The following ADGRD1 variants were observed in gnomAD, a reference collection of about 807,000 sequenced individuals.
ADGRD1 encodes adhesion G protein-coupled receptor D1.
A neutral mutation model predicts 113.4 loss-of-function variants in ADGRD1; 77 were observed. That is an observed-to-expected ratio of 0.68 (90% CI 0.57 to 0.82). ADGRD1 has a LOEUF of 0.82. Among genes scored for constraint, ADGRD1 ranks in the 40% least tolerant of loss-of-function variants. The pLI, the probability that ADGRD1 is intolerant of heterozygous loss-of-function variation, is 0.00. For synonymous variants in ADGRD1, 474 were observed against 475.0 expected (o/e 1.00, Z 0.03); for missense variants, 1,036 against 1,139.1 (o/e 0.91, Z 1.30).
rs1331498809 is a variant in ADGRD1 at position 131,113,216 on chromosome 12, T to C, written c.2041+4339T>C. On this transcript the variant is annotated intron_variant, in intron 18 of 24. Coordinates refer to ENST00000261654, the MANE Select transcript of ADGRD1 (RefSeq NM_198827.5). The surrounding 1 kb of genome is among the most constrained non-coding windows in gnomAD (Gnocchi z 4.9). ...TGAGCCAGTTTTTCTCAATTTGCTGTAAACCCTTAGGAAAATGTACAGAGA... is the reference window on the plus strand; with the variant it reads ...TGAGCCAGTTTTTCTCAATTTGCTGCAAACCCTTAGGAAAATGTACAGAGA... 6.6e-6 allele frequency among the ~76,000 whole-genome samples: 1 copy of C among 152,222 alleles called. No individual in the cohort carries two copies. Among genetic ancestry groups the C allele is most frequent in the African/African-American group, 2.4e-5 (1 of 41,472 alleles).
At chr12:131,085,841 C>T (rs999853992) in intron 15 of ADGRD1, among the ~76,000 whole-genome samples, 2 of 152,194 alleles carry the variant, frequency 1.3e-5, no homozygotes, top group African/African-American at 2.4e-5. Context: ...AGCAGTGACG[C>T]CTCCAGCGTC....
chr12:131,038,429 C>G (rs899257412), intron 13 of ADGRD1, among the ~76,000 whole-genome samples: 11 of 152,366 alleles, frequency 7.2e-5, no homozygotes, highest in Middle Eastern at 3.4e-3. Context: ...TATCGCAGAG[C>G]CGACACTCCT....
chr12:131,120,532 A>C (rs1246581600), intron 19 of ADGRD1, among the ~76,000 whole-genome samples: 1 of 152,176 alleles, frequency 6.6e-6, no homozygotes, highest in Non-Finnish European at 1.5e-5. Flanking sequence ...ATTGGGTCAT[A>C]CTTGAAGTGC....
intron 13 of ADGRD1, among the ~76,000 whole-genome samples, chr12:131,036,664 G>T (rs1296335463): frequency 5.6e-5 from 8 of 142,560 alleles, no homozygotes; most frequent in Non-Finnish European, 4.5e-5. Flanking sequence ...CACTGCACGG[G>T]GCCTCACTCA....
chr12:131,015,636 A>G (rs1163063142), intron 13 of ADGRD1, among the ~76,000 whole-genome samples: 2 of 151,378 alleles, frequency 1.3e-5, no homozygotes, highest in Non-Finnish European at 2.9e-5. Context: ...GGAGATGGAG[A>G]TGGGAATGGA....
intron 8 of ADGRD1, among the ~76,000 whole-genome samples, chr12:130,996,192 C>A (rs1406895904): frequency 7.0e-6 from 1 of 142,512 alleles, no homozygotes; most frequent in South Asian, 2.2e-4. Context: ...TACACAGACA[C>A]GGCAACCATC....
intron 18 of ADGRD1, among the ~76,000 whole-genome samples, chr12:131,116,905 C>T (rs1038628028): frequency 6.6e-6 from 1 of 152,244 alleles, no homozygotes; most frequent in Non-Finnish European, 1.5e-5. Context: ...GTGTTCTTTT[C>T]AGAAACAGAT....
Position 131,075,356 on chromosome 12 carries a change from C to T in ADGRD1, c.1474-1445C>T, listed in dbSNP as rs1324956573. ...TGCTGCAGTTTTCCTGCTGATGCCC[C>T]TCTGTGGTCCTGGTGGCTGCAGGAC... is the stretch of plus-strand genomic sequence containing the variant. On this transcript the variant is annotated intron_variant, in intron 13 of 24. Transcript: ENST00000261654. This position sits in a 1 kb window ranked among gnomAD's most constrained non-coding sequence, Gnocchi z 5.3. Among the ~76,000 whole-genome samples, 2 of 151,974 alleles carry T rather than the reference C, an allele frequency of 1.3e-5. No individual in the cohort carries two copies. Among genetic ancestry groups the T allele is most frequent in the African/African-American group, 2.4e-5 (1 of 41,362 alleles).
rs1187612000 is a variant in ADGRD1 at position 131,121,776 on chromosome 12, C to A, written c.2175+863C>A. 2.6e-5 allele frequency among the ~76,000 whole-genome samples: 4 copies of A among 152,294 alleles called. No homozygotes were observed. The South Asian group carries it at 8.3e-4, about 32-fold the overall frequency. ...CCCAGGGCTCCTGCACCTGCACTGGCATGAGGCTCGTCCCTCATCTTCTCT... is the reference window on the plus strand; with the variant it reads ...CCCAGGGCTCCTGCACCTGCACTGGAATGAGGCTCGTCCCTCATCTTCTCT... On this transcript the variant is annotated intron_variant, in intron 20 of 24. Transcript: ENST00000261654.
At chr12:131,066,318 G>A (rs894450784) in intron 13 of ADGRD1, among the ~76,000 whole-genome samples, 1 of 152,176 alleles carries the variant, frequency 6.6e-6, no homozygotes, top group Non-Finnish European at 1.5e-5. Flanking sequence ...AGGGTTTCCC[G>A]CCGACGCATC....
intron 14 of ADGRD1, among the ~76,000 whole-genome samples, chr12:131,081,634 A>G (rs1886077316): frequency 6.6e-6 from 1 of 152,178 alleles, no homozygotes; most frequent in African/African-American, 2.4e-5. Flanking sequence ...TACAGACACC[A>G]TAAACGCAAT....
At chr12:131,132,392 C>T (rs942180635) in intron 21 of ADGRD1, among the ~76,000 whole-genome samples, 1 of 152,196 alleles carries the variant, frequency 6.6e-6, no homozygotes, top group African/African-American at 2.4e-5. Context: ...GCATCTCTTA[C>T]GGCCCAGCCG....
chr12:131,131,562 A>T (rs1026175857), intron 20 of ADGRD1, among the ~76,000 whole-genome samples, 163 bp from the exon 21 acceptor site: 2 of 152,200 alleles, frequency 1.3e-5, no homozygotes, highest in African/African-American at 4.8e-5. Flanking sequence ...TGTTGGTAAA[A>T]GCCCACGGAA....
At chr12:130,976,066 T>G (rs1416458554) in intron 4 of ADGRD1, among the ~76,000 whole-genome samples, 3 of 152,212 alleles carry the variant, frequency 2.0e-5, no homozygotes, top group African/African-American at 7.2e-5. Context: ...GCACGGCCAT[T>G]TCCCTCTTCT....
At chr12:131,037,345 CCTCA>C (rs1167815957) in intron 13 of ADGRD1, among the ~76,000 whole-genome samples, 48 of 50,342 alleles carry the variant, frequency 9.5e-4, no homozygotes, top group African/African-American at 3.1e-3. Flanking sequence ...CTGCACCGGG[CCTCA>C]CTCACTGCAC....
chr12:131,063,198 T>C (rs1884473940), intron 13 of ADGRD1, among the ~76,000 whole-genome samples: 1 of 152,250 alleles, frequency 6.6e-6, no homozygotes, highest in African/African-American at 2.4e-5. Context: ...ATTATAGATA[T>C]GAATCCTGTG....
chr12:131,021,358 C>T (rs940670613), intron 13 of ADGRD1, among the ~76,000 whole-genome samples: 14 of 152,118 alleles, frequency 9.2e-5, no homozygotes, highest in East Asian at 1.9e-4. Flanking sequence ...CTTAGCTTCC[C>T]GTTGTCTCCC....
rs540287089 is a variant in ADGRD1, at chr12:131,050,986, C to T, written c.1474-25815C>T. ...TTCCTAACAGGCCACGGGCTGGTCC[C>T]GGTTCACGGCCCGGGTGTTGGGAAC... On this transcript the variant is annotated intron_variant, in intron 13 of 24. Coordinates refer to ENST00000261654, the MANE Select transcript of ADGRD1 (RefSeq NM_198827.5). This position sits in a 1 kb window ranked among gnomAD's most constrained non-coding sequence, Gnocchi z 4.8. 3.6e-4 allele frequency among the ~76,000 whole-genome samples: 55 copies of T among 152,336 alleles called. 1 individual carries two copies. The South Asian group carries it at 9.3e-3, about 26-fold the overall frequency.
intron 22 of ADGRD1, 150 bp downstream of exon 22, chr12:131,136,313 G>T: frequency 1.0e-6 from 1 of 993,270 alleles, no homozygotes; most frequent in Non-Finnish European, 1.5e-6. Flanking sequence ...GAAGCCTGAG[G>T]ACTCTCAGAA....
Sources: allele counts gnomAD v4.1 joint callset (sites outside exome capture counted in the v4.1 genomes callset), GRCh38; gene constraint gnomAD v4.1.1; non-coding constraint Gnocchi (gnomAD v3.1); transcripts MANE v1.5; gene names NCBI Gene and HGNC (gene_info 2026-07-23, HGNC 2026-07-21).